Variants in DNAJB6 observed in about 807,000 individuals in gnomAD.
DNAJB6 encodes the protein DnaJ heat shock protein family (Hsp40) member B6.
A neutral mutation model predicts 42.7 loss-of-function variants in DNAJB6; 16 were observed. The observed-to-expected ratio is 0.37, with a 90% CI of 0.25 to 0.57. The LOEUF is 0.57. DNAJB6 is among the 20% of genes least tolerant of loss of function. DNAJB6 has a pLI of 0.74. For missense variants in DNAJB6, 347 were observed against 416.8 expected (o/e 0.83, Z 1.46); for synonymous variants, 170 against 163.5 (o/e 1.04, Z -0.30).
chr7:157,402,232 A>T (rs1795551700), intron 8 of DNAJB6, among the ~76,000 whole-genome samples: 1 of 152,086 alleles, frequency 6.6e-6, no homozygotes, highest in Non-Finnish European at 1.5e-5. Context: ...GAGTGTGGGG[A>T]TCCCAGGCGG....
intron 9 of DNAJB6, chr7:157,413,258 C>T (rs1460327301): frequency 1.3e-5 from 2 of 152,068 alleles, no homozygotes; most frequent in East Asian, 1.9e-4. Context: ...GAACACGTAA[C>T]TGTTAAAAAA....
chr7:157,353,586 GGTGTGTGT>G (rs370854040), intron 1 of DNAJB6, among the ~76,000 whole-genome samples: 2,605 of 140,096 alleles, frequency 0.019, 38 homozygotes, highest in Admixed American at 0.048. Flanking sequence ...TCTTGACCGG[GGTGTGTGT>G]GTGTGTGTGT....
At chr7:157,396,196 G>A (rs555298037) in intron 8 of DNAJB6, among the ~76,000 whole-genome samples, 2 of 152,194 alleles carry the variant, frequency 1.3e-5, no homozygotes, top group African/African-American at 2.4e-5. Context: ...CAATCTGCCC[G>A]CTTCAGCCTC....
intron 4 of DNAJB6, 139 bp downstream of exon 4, chr7:157,366,700 G>T (rs561973413): frequency 5.5e-6 from 4 of 721,638 alleles, no homozygotes; most frequent in Non-Finnish European, 9.4e-6. Flanking sequence ...AAATTGGGGA[G>T]AGGACAGAGA....
In DNAJB6 at chr7:157,416,233, G is replaced by A. The variant is rs1584956547; in HGVS notation, c.*135G>A. The A allele has an allele frequency of 4.3e-6, 6 of 1,384,584 alleles. No individual in the cohort carries two copies. The highest frequency in any genetic ancestry group is 2.1e-5 in the Admixed American group (1 of 47,858). The allele number at this position is 1,384,584 out of a possible 1,614,324, so 85.8% of individuals were successfully genotyped here. A position where few individuals can be genotyped will look rare whatever the true frequency, so the allele number is the denominator to read the frequency against. On this transcript the variant is annotated 3_prime_UTR_variant, in exon 10 of 10. Transcript: ENST00000262177. ...CCACACTCGCTCGGCAGGATTATGC[G>A]ATCACGGATCAGTCAGAGCAGGGTC...
At chr7:157,415,210 C>T (rs1224753021) in intron 9 of DNAJB6, 1 of 152,204 alleles carries the variant, frequency 6.6e-6, no homozygotes, top group African/African-American at 2.4e-5. Flanking sequence ...TTTCCTGCAC[C>T]CACGTTGGCA....
At chr7:157,355,954 A>G (rs1354680515) in intron 1 of DNAJB6, among the ~76,000 whole-genome samples, 1 of 152,212 alleles carries the variant, frequency 6.6e-6, no homozygotes, top group Non-Finnish European at 1.5e-5. Flanking sequence ...CTCTGTGCTC[A>G]CTGCCTCGGG....
At chr7:157,409,692 T>A in intron 8 of DNAJB6, 103 bp from the exon 9 acceptor site, 1 of 1,291,894 alleles carries the variant, frequency 7.7e-7, no homozygotes, top group Non-Finnish European at 1.0e-6. Context: ...ATGGCGCGTC[T>A]GGATTCAGGG....
At chr7:157,374,826 T>G (rs1800391084) in intron 5 of DNAJB6, among the ~76,000 whole-genome samples, 1 of 152,202 alleles carries the variant, frequency 6.6e-6, no homozygotes, top group East Asian at 1.9e-4. Context: ...TCTGTGGTGT[T>G]TCCTCCCTTG....
At chr7:157,401,389 AT>A (rs1378886638) in intron 8 of DNAJB6, among the ~76,000 whole-genome samples, 1 of 151,836 alleles carries the variant, frequency 6.6e-6, no homozygotes, top group Non-Finnish European at 1.5e-5. Context: ...CTAATTTTGT[AT>A]TTTTAGTAGA....
chr7:157,374,676 C>G (rs1248019599), intron 5 of DNAJB6, among the ~76,000 whole-genome samples: 1 of 152,210 alleles, frequency 6.6e-6, no homozygotes, highest in Non-Finnish European at 1.5e-5. Flanking sequence ...TTTGTTTCCT[C>G]TGACGTCCTC....
intron 1 of DNAJB6, among the ~76,000 whole-genome samples, chr7:157,347,027 T>C (rs1024284379): frequency 1.3e-5 from 2 of 152,172 alleles, no homozygotes; most frequent in African/African-American, 4.8e-5. Flanking sequence ...GGCTAATTTT[T>C]TCTATTTTTA....
intron 8 of DNAJB6, among the ~76,000 whole-genome samples, chr7:157,403,508 C>T (rs1396426037): frequency 6.6e-6 from 1 of 152,128 alleles, no homozygotes; most frequent in African/African-American, 2.4e-5. Flanking sequence ...TTCCTGCTGC[C>T]CAAGCTGGAG....
intron 1 of DNAJB6, among the ~76,000 whole-genome samples, chr7:157,338,726 A>G (rs1378655457): frequency 6.6e-6 from 1 of 152,232 alleles, no homozygotes; most frequent in Non-Finnish European, 1.5e-5. Context: ...AAAGGGATGA[A>G]TAGTTTTTAT....
intron 8 of DNAJB6, among the ~76,000 whole-genome samples, chr7:157,403,077 G>A (rs1439929597): frequency 1.3e-5 from 2 of 152,160 alleles, no homozygotes; most frequent in South Asian, 2.1e-4. Context: ...GTCCCTACAC[G>A]CAAGATGTAC....
chr7:157,383,289 A>T lies in DNAJB6; in HGVS notation c.478+912A>T, dbSNP rs537981642. On this transcript the variant is annotated intron_variant, in intron 6 of 9. Coordinates refer to ENST00000262177, the MANE Select transcript of DNAJB6 (RefSeq NM_058246.4). ...CCAAAGTGCTAGGATTACAGGCATG[A>T]GCCACCACTCCTGGCCTGGAGCTGC... Among the ~76,000 whole-genome samples, 3 of 152,314 alleles carry T rather than the reference A, an allele frequency of 2.0e-5. No homozygotes were observed. The South Asian group carries it at 6.2e-4, about 32-fold the overall frequency.
intron 4 of DNAJB6, among the ~76,000 whole-genome samples, 163 bp from the exon 5 acceptor site, chr7:157,367,210 C>T (rs922071542): frequency 6.6e-6 from 1 of 152,234 alleles, no homozygotes; most frequent in Non-Finnish European, 1.5e-5. Flanking sequence ...CACTCACTCT[C>T]TGTCAGTACA....
At chr7:157,378,281 T>A (rs756969692) in intron 5 of DNAJB6, 2 of 152,344 alleles carry the variant, frequency 1.3e-5, no homozygotes, top group Middle Eastern at 6.8e-3. Context: ...CACATTTGAT[T>A]AACACGTGTC....
chr7:157,408,459 C>G (rs1015932561), intron 8 of DNAJB6, among the ~76,000 whole-genome samples: 5 of 152,166 alleles, frequency 3.3e-5, no homozygotes, highest in African/African-American at 1.2e-4. Context: ...CCTCTGGGGA[C>G]ACACAGGCTC....
Sources: gnomAD v4.1 joint callset for allele counts (sites outside exome capture counted in the v4.1 genomes callset) on GRCh38, gnomAD v4.1.1 for gene constraint, MANE v1.5 for transcripts, NCBI Gene and HGNC (gene_info 2026-07-23, HGNC 2026-07-21) for gene names.